Variants in NEURL3 observed in about 807,000 individuals in gnomAD.
The protein encoded by NEURL3 is neuralized E3 ubiquitin protein ligase 3.
A neutral mutation model predicts 17.6 loss-of-function variants in NEURL3; 19 were observed. That is an observed-to-expected ratio of 1.08 (90% confidence interval 0.75 to 1.58). NEURL3 has a LOEUF of 1.58. Ranked by LOEUF, NEURL3 falls within the 40% of genes most tolerant of loss-of-function variation. NEURL3 has a pLI of 0.00. For synonymous variants in NEURL3, 180 were observed against 161.4 expected, an observed-to-expected ratio of 1.11 and a Z score of -0.87; for missense variants, 342 against 379.6, an observed-to-expected ratio of 0.90 and a Z score of 0.82.
Position 96,498,217 on chromosome 2 carries a change from C to T in NEURL3, c.*27G>A. 2.6e-6 allele frequency: 4 copies of T among 1,515,422 alleles called. No homozygotes were observed. The highest frequency in any genetic ancestry group is 3.5e-6 in the Non-Finnish European group (4 of 1,133,450). 93.9% of individuals were successfully genotyped at this position (1,515,422 alleles called of 1,614,324 possible). A position where few individuals can be genotyped will look rare whatever the true frequency, so the allele number is the denominator to read the frequency against. ...GGCCAGACTCAGATCTAGGCCCGGG[C>T]TGCCACTCATACTGGGAAGCCTCCT... is the stretch of plus-strand genomic sequence containing the variant. On this transcript the variant is annotated 3_prime_UTR_variant, in exon 4 of 4. Coordinates refer to ENST00000451794, the MANE Select transcript of NEURL3 (RefSeq NM_001285485.2). This position sits in a 1 kb window ranked among gnomAD's most constrained non-coding sequence, Gnocchi z 4.4.
chr2:96,498,457 G>A lies in NEURL3; in HGVS notation c.587-11C>T, dbSNP rs962974784. Reference sequence around the variant, plus strand: ...CCTCTCCTGGTGTGGCTGGAAGAGGGAGCAACACAGGTCAGGGCACATGGG... The same window carrying A: ...CCTCTCCTGGTGTGGCTGGAAGAGGAAGCAACACAGGTCAGGGCACATGGG... On this transcript the variant is annotated splice_polypyrimidine_tract_variant and intron_variant, in intron 3 of 3. Coordinates refer to ENST00000451794, the MANE Select transcript of NEURL3 (RefSeq NM_001285485.2). The surrounding 1 kb of genome is among the most constrained non-coding windows in gnomAD (Gnocchi z 4.4). 4.4e-6 allele frequency: 7 copies of A among 1,590,874 alleles called. No individual in the cohort carries two copies. In the Admixed American group the frequency reaches 5.0e-5, roughly 11 times the overall value.
At chr2:96,501,040 A>G (rs2065502953) in intron 1 of NEURL3, 116 bp from the exon 2 acceptor site, 1 of 1,277,204 alleles carries the variant, frequency 7.8e-7, no homozygotes, top group Admixed American at 3.4e-5. Flanking sequence ...ACCTTCCCCT[A>G]GGGACCATTT....
At chr2:96,499,226 G>T in intron 3 of NEURL3, 152 bp downstream of exon 3, 1 of 1,406,246 alleles carries the variant, frequency 7.1e-7, no homozygotes, top group Non-Finnish European at 9.3e-7. Flanking sequence ...GAGATGCCAG[G>T]TTGCTTTTAG....
At chr2:96,504,270 C>T (rs1040707738) in intron 1 of NEURL3, among the ~76,000 whole-genome samples, 4 of 12,386 alleles carry the variant, frequency 3.2e-4, no homozygotes, top group Admixed American at 1.0e-3. Context: ...TTTTTCTCCT[C>T]ATCCCGCCTC....
At chr2:96,502,185 C>T (rs1245935401) in intron 1 of NEURL3, among the ~76,000 whole-genome samples, 2 of 152,210 alleles carry the variant, frequency 1.3e-5, no homozygotes, top group Admixed American at 6.5e-5. Flanking sequence ...CCCTCGCCTG[C>T]GCCCCGCCCG....
chr2:96,506,210 C>T (rs562316699), upstream of NEURL3, among the ~76,000 whole-genome samples: 50 of 152,116 alleles, frequency 3.3e-4, 1 homozygote, highest in African/African-American at 1.0e-3. Flanking sequence ...GATAAGTGGA[C>T]CCGACTTTTT....
chr2:96,506,624 T>C (rs1434000399), upstream of NEURL3, among the ~76,000 whole-genome samples: 7 of 152,262 alleles, frequency 4.6e-5, 1 homozygote, highest in Admixed American at 3.3e-4. Context: ...AATCAGTGAC[T>C]GCTCGGCTAA....
upstream of NEURL3, among the ~76,000 whole-genome samples, chr2:96,506,133 A>G (rs2065559071): frequency 6.6e-6 from 1 of 152,006 alleles, no homozygotes; most frequent in African/African-American, 2.4e-5. Context: ...ATTGCAACAT[A>G]CTCTCAAATC....
upstream of NEURL3, among the ~76,000 whole-genome samples, chr2:96,505,713 G>A (rs549864502): frequency 1.2e-4 from 18 of 152,350 alleles, no homozygotes; most frequent in Middle Eastern, 3.4e-3. Flanking sequence ...ACAGAGCAAC[G>A]CAGATGATTC....
chr2:96,503,743 C>T (rs761659735), intron 1 of NEURL3, among the ~76,000 whole-genome samples: 2 of 152,218 alleles, frequency 1.3e-5, no homozygotes, highest in South Asian at 2.1e-4. Context: ...CCTCCTCCCA[C>T]GAGGCCTGCA....
At chr2:96,500,962 G>C in intron 1 of NEURL3, 38 bp from the exon 2 acceptor site, 1 of 1,490,888 alleles carries the variant, frequency 6.7e-7, no homozygotes, top group South Asian at 1.3e-5. Flanking sequence ...TGCTAACCGG[G>C]TCTGGACCCA....
chr2:96,498,201 C>G lies in NEURL3; in HGVS notation c.*43G>C, dbSNP rs1465136221. On this transcript the variant is annotated 3_prime_UTR_variant, in exon 4 of 4. Transcript: ENST00000451794. This position sits in a 1 kb window ranked among gnomAD's most constrained non-coding sequence, Gnocchi z 4.4. Reference sequence around the variant, plus strand: ...CCTTCCTCTCTGCAGGGGCCAGACTCAGATCTAGGCCCGGGCTGCCACTCA... The same window carrying G: ...CCTTCCTCTCTGCAGGGGCCAGACTGAGATCTAGGCCCGGGCTGCCACTCA... The G allele has an allele frequency of 3.4e-6, 5 of 1,492,444 alleles. No individual in the cohort carries two copies. The highest frequency in any genetic ancestry group is 2.5e-5 in the East Asian group (1 of 40,300). 92.5% of individuals were successfully genotyped at this position (1,492,444 alleles called of 1,614,324 possible).
chr2:96,499,066 C>A (rs1558598494), intron 3 of NEURL3: 1 of 799,098 alleles, frequency 1.3e-6, no homozygotes. Flanking sequence ...GTGTGAGCCA[C>A]TGCACCCCAC....
chr2:96,503,108 G>A (rs1200997952), intron 1 of NEURL3, among the ~76,000 whole-genome samples: 2 of 152,158 alleles, frequency 1.3e-5, no homozygotes, highest in Admixed American at 1.3e-4. Context: ...GGCAAGGAGG[G>A]GTGGAGGACG....
chr2:96,500,959 C>T (rs773662262), intron 1 of NEURL3, 35 bp from the exon 2 acceptor site: 3 of 1,489,482 alleles, frequency 2.0e-6, no homozygotes, highest in Non-Finnish European at 1.8e-6. Context: ...CAGTGCTAAC[C>T]GGGTCTGGAC....
chr2:96,502,675 C>T (rs1044291532), intron 1 of NEURL3, among the ~76,000 whole-genome samples: 1 of 152,258 alleles, frequency 6.6e-6, no homozygotes. Context: ...CTGCCCATCC[C>T]TGAGGTGGGA....
chr2:96,498,512 G>A lies in NEURL3; in HGVS notation c.587-66C>T, dbSNP rs2065467476. 3 of 1,351,422 alleles carry A rather than the reference G, an allele frequency of 2.2e-6. No homozygotes were observed. The highest frequency in any genetic ancestry group is 2.7e-5 in the South Asian group (2 of 75,442). 83.7% of individuals were successfully genotyped at this position (1,351,422 alleles called of 1,614,324 possible). ...GGGGTGGGCAACCCGCTCACAATGT[G>A]ACCACAGAGAATGACAGAGAAACAT... is the stretch of plus-strand genomic sequence containing the variant. On this transcript the variant is annotated intron_variant, in intron 3 of 3. Transcript: ENST00000451794. This position sits in a 1 kb window ranked among gnomAD's most constrained non-coding sequence, Gnocchi z 4.4.
chr2:96,498,361 T>G lies in NEURL3; in HGVS notation c.672A>C (p.Arg224Ser). 1 of 1,599,484 alleles carries G rather than the reference T, an allele frequency of 6.3e-7. No homozygotes were observed. Among genetic ancestry groups the G allele is most frequent in the Non-Finnish European group, 8.5e-7 (1 of 1,179,808 alleles). Residue 224 changes from arginine to serine, a missense_variant, in exon 4 of 4, where the codon AGA becomes AGC. Arg to Ser is a moderately radical substitution (Grantham distance 110). Transcript: ENST00000451794. The surrounding 1 kb of genome is among the most constrained non-coding windows in gnomAD (Gnocchi z 4.4). ...CGCTGAAGACCCGCCAGGCACAGTA[T>G]CTGCAGAAGTATGTGTGGCCGCAGG... ...LVPCGHTYFC[R>S]YCAWRVFSDT...
chr2:96,497,950 C>G lies in NEURL3; in HGVS notation c.*294G>C. ...ACCAGTCACAACAGATACCTGAACT[C>G]CCTCAGATGTAAAACTGATTGGGGA... On this transcript the variant is annotated 3_prime_UTR_variant, in exon 4 of 4. Transcript: ENST00000451794. 1 of 378,816 alleles carries G rather than the reference C, an allele frequency of 2.6e-6. No individual in the cohort carries two copies. Among genetic ancestry groups the G allele is most frequent in the East Asian group, 5.0e-5 (1 of 19,824 alleles). The allele number at this position is 378,816 out of a possible 1,614,324, so 23.5% of individuals were successfully genotyped here.
Sources: gnomAD v4.1 joint callset for allele counts (sites outside exome capture counted in the v4.1 genomes callset) on GRCh38, gnomAD v4.1.1 for gene constraint, Gnocchi (gnomAD v3.1) non-coding constraint, MANE v1.5 for transcripts, NCBI Gene and HGNC (gene_info 2026-07-23, HGNC 2026-07-21) for gene names.